DROSHA: variants seen among roughly 807,000 people sequenced by gnomAD.
DROSHA encodes ribonuclease 3.
DROSHA carries 56 observed loss-of-function variants against 181.9 expected under a neutral mutation model. That is an observed-to-expected ratio of 0.31 (90% confidence interval 0.25 to 0.38). The LOEUF (loss-of-function observed/expected upper bound fraction) is 0.38, where lower values mean the gene tolerates loss of function less well. Among genes scored for constraint, DROSHA ranks in the 10% least tolerant of loss-of-function variants. The pLI, the probability that DROSHA is intolerant of heterozygous loss-of-function variation, is 1.00. For synonymous variants in DROSHA, 524 were observed against 591.2 expected, an observed-to-expected ratio of 0.89 and a Z score of 1.65; for missense variants, 1,218 against 1,743.5, an observed-to-expected ratio of 0.70 and a Z score of 5.37.
Position 31,409,514 on chromosome 5 carries a change from G to C in DROSHA, c.3668-182C>G. The stretch of plus-strand genomic sequence containing the variant: ...ATCATTAATATCAGAAGCAGCAAGA[G>C]ATGTGTAAGATGCAAATCATAGAGT... On this transcript the variant is annotated intron_variant, in intron 31 of 35. Coordinates refer to ENST00000344624, the MANE Select transcript of DROSHA (RefSeq NM_001382508.1). This position sits in a 1 kb window ranked among gnomAD's most constrained non-coding sequence, Gnocchi z 4.0. The C allele has an allele frequency of 1.7e-6, 1 of 589,256 alleles. No homozygotes were observed. Among genetic ancestry groups the C allele is most frequent in the Non-Finnish European group, 3.0e-6 (1 of 329,546 alleles). The allele number at this position is 589,256 out of a possible 1,614,324, so 36.5% of individuals were successfully genotyped here.
intron 23 of DROSHA, among the ~76,000 whole-genome samples, chr5:31,439,690 T>G (rs79110300): frequency 0.059 from 9,035 of 152,238 alleles, 369 homozygotes; most frequent in East Asian, 0.17. Flanking sequence ...ATGTACTATC[T>G]TTGGTTTTAT....
intron 16 of DROSHA, among the ~76,000 whole-genome samples, chr5:31,479,276 ACT>A (rs1410508973): frequency 1.3e-5 from 2 of 152,248 alleles, no homozygotes; most frequent in Admixed American, 1.3e-4. Context: ...GGAAGTGTTC[ACT>A]GTTTTTACTT....
intron 23 of DROSHA, among the ~76,000 whole-genome samples, chr5:31,443,992 C>T (rs1745963924): frequency 6.6e-6 from 1 of 152,150 alleles, no homozygotes; most frequent in South Asian, 2.1e-4. Context: ...AAAATAGCCC[C>T]ATAACACAAT....
intron 10 of DROSHA, among the ~76,000 whole-genome samples, chr5:31,506,235 G>A (rs888276920): frequency 7.2e-5 from 11 of 151,942 alleles, no homozygotes; most frequent in Middle Eastern, 3.2e-3. Context: ...GGTGGTGGGC[G>A]CCTGTAATCC....
intron 13 of DROSHA, among the ~76,000 whole-genome samples, chr5:31,491,053 C>G (rs1203251921): frequency 6.6e-6 from 1 of 152,186 alleles, no homozygotes; most frequent in Non-Finnish European, 1.5e-5. Flanking sequence ...TTTCTACTCA[C>G]TTTTGCTGTA....
intron 6 of DROSHA, among the ~76,000 whole-genome samples, chr5:31,517,357 T>C (rs1271260233): frequency 2.0e-5 from 3 of 152,196 alleles, no homozygotes. Context: ...CTTCCTGCCT[T>C]AGTATGCTTG....
chr5:31,466,340 A>C, intron 18 of DROSHA, 59 bp from the exon 19 acceptor site: 1 of 1,452,414 alleles, frequency 6.9e-7, no homozygotes, highest in Non-Finnish European at 9.7e-7. Flanking sequence ...AAAATGCAAC[A>C]AAACCAGTTA....
intron 8 of DROSHA, among the ~76,000 whole-genome samples, chr5:31,512,873 A>G (rs1738849264): frequency 6.6e-6 from 1 of 152,218 alleles, no homozygotes; most frequent in Non-Finnish European, 1.5e-5. Context: ...TCCTCCAGAC[A>G]CAAGCAACTG....
In DROSHA at chr5:31,495,317, C is replaced by T. The variant is rs1561252258; in HGVS notation, c.1724G>A (p.Arg575Gln). 7 of 1,613,752 alleles carry T rather than the reference C, an allele frequency of 4.3e-6. No homozygotes were observed. Among genetic ancestry groups the T allele is most frequent in the East Asian group, 2.2e-5 (1 of 44,870 alleles). The change falls in exon 12 of 36, where the codon CGG becomes CAG. Residue 575 changes from arginine (R) to glutamine (Q), a missense_variant. Coordinates refer to ENST00000344624, the MANE Select transcript of DROSHA (RefSeq NM_001382508.1). ...GTTCGTAGGCGGGGAGACTGTGATC[C>T]GGTAGTGGAAAAGTCTGCCAGCATT... ...TNNAGRLFHYRITVSPPTNFL... is the reference protein window; with the variant it reads ...TNNAGRLFHYQITVSPPTNFL...
At chr5:31,463,584 T>C (rs763781527) in intron 20 of DROSHA, among the ~76,000 whole-genome samples, 2 of 152,166 alleles carry the variant, frequency 1.3e-5, no homozygotes, top group African/African-American at 4.8e-5. Flanking sequence ...CCAATATCAA[T>C]TGTGACAAAA....
chr5:31,526,762 A>C lies in DROSHA; in HGVS notation c.171T>G (p.Ser57Arg). 6.3e-7 allele frequency: 1 copy of C among 1,594,840 alleles called. No homozygotes were observed. The highest frequency in any genetic ancestry group is 1.1e-5 in the South Asian group (1 of 88,316). Residue 57 changes from serine (S) to arginine (R), a missense_variant, in exon 5 of 36, where the codon AGT becomes AGG. Physicochemically the swap from Ser to Arg is moderately radical, Grantham distance 110. Transcript: ENST00000344624. The part of the protein sequence containing the change: ...PPVQYQYEPP[S>R]APSTTFSNSP... ...AGTTTGAGAAAGTGGTGGAAGGGGC[A>C]CTTGGAGGTTCATATTGATATTGCA...
chr5:31,482,558 C>A (rs964744023), intron 16 of DROSHA, among the ~76,000 whole-genome samples: 3 of 152,204 alleles, frequency 2.0e-5, no homozygotes, highest in Admixed American at 6.5e-5. Context: ...TAAGATTAAG[C>A]GGCTGAGTGG....
chr5:31,494,784 C>CCTGCCTCAGCCTCCCGAGTAG (rs1480675098), intron 12 of DROSHA, among the ~76,000 whole-genome samples: 1 of 152,178 alleles, frequency 6.6e-6, no homozygotes, highest in African/African-American at 2.4e-5. Flanking sequence ...ACGCCATTCT[C>CCTGCCTCAGCCTCCCGAGTAG]CTGCCTCAGC....
chr5:31,424,463 G>T lies in DROSHA; in HGVS notation c.3225C>A (p.Arg1075=), dbSNP rs749231991. The change falls in exon 28 of 36, where the codon CGC becomes CGA. Residue 1075 remains arginine, a synonymous_variant. Coordinates refer to ENST00000344624, the MANE Select transcript of DROSHA (RefSeq NM_001382508.1). Reference sequence around the variant, plus strand: ...GGAGAGGATAATTGAGCCAGACTTCGCGCAGGTCCTGGAAAATGGAGTGAT... The same window carrying T: ...GGAGAGGATAATTGAGCCAGACTTCTCGCAGGTCCTGGAAAATGGAGTGAT... ...GRLLFNDPDL[R]EVWLNYPLHP... 1 of 1,595,020 alleles carries T rather than the reference G, an allele frequency of 6.3e-7. No individual in the cohort carries two copies. The highest frequency in any genetic ancestry group is 8.5e-7 in the Non-Finnish European group (1 of 1,170,610).
intron 23 of DROSHA, among the ~76,000 whole-genome samples, chr5:31,440,797 T>C (rs370048526): frequency 5.3e-5 from 8 of 152,174 alleles, no homozygotes; most frequent in African/African-American, 1.9e-4. Flanking sequence ...TAATATTGTA[T>C]AAAATTACCT....
At chr5:31,436,237 G>T (rs1275626346) in intron 24 of DROSHA, among the ~76,000 whole-genome samples, 1 of 152,094 alleles carries the variant, frequency 6.6e-6, no homozygotes, top group Non-Finnish European at 1.5e-5. Flanking sequence ...CTGGAGAGAG[G>T]AGTCCCTTCT....
intron 11 of DROSHA, among the ~76,000 whole-genome samples, chr5:31,503,347 T>C (rs568348255): frequency 6.6e-6 from 1 of 152,312 alleles, no homozygotes; most frequent in East Asian, 1.9e-4. Context: ...GCCCCCAAAA[T>C]GGGACCATTC....
chr5:31,454,741 T>C (rs1189922694), intron 20 of DROSHA, among the ~76,000 whole-genome samples: 1 of 151,644 alleles, frequency 6.6e-6, no homozygotes, highest in African/African-American at 2.4e-5. Flanking sequence ...GAGATCGAGA[T>C]CATCCTGGCT....
At chr5:31,446,837 G>A (rs1266859812) in intron 23 of DROSHA, among the ~76,000 whole-genome samples, 2 of 152,066 alleles carry the variant, frequency 1.3e-5, no homozygotes, top group Non-Finnish European at 2.9e-5. Flanking sequence ...GCCAGGAGTT[G>A]GAGACCAGCC....
Sources: allele counts gnomAD v4.1 joint callset (sites outside exome capture counted in the v4.1 genomes callset), GRCh38; gene constraint gnomAD v4.1.1; non-coding constraint Gnocchi (gnomAD v3.1); transcripts MANE v1.5; gene names NCBI Gene and HGNC (gene_info 2026-07-23, HGNC 2026-07-21).